NUAK2: variants seen among roughly 807,000 people sequenced by gnomAD.
NUAK2 encodes the protein NUAK family SNF1-like kinase 2.
Under a neutral mutation model 29.8 loss-of-function variants are expected in NUAK2, and 20 were observed. That is an observed-to-expected ratio of 0.67 (90% CI 0.47 to 0.98). The LOEUF (loss-of-function observed/expected upper bound fraction) is 0.98. Ranked by LOEUF, NUAK2 falls within the 50% of genes least tolerant of loss-of-function variation. The pLI is 0.00. For missense variants in NUAK2, 719 were observed against 834.5 expected (o/e 0.86, Z 1.71); for synonymous variants, 331 against 342.6 (o/e 0.97, Z 0.37).
In NUAK2 at chr1:205,308,282, A is replaced by T. The variant is rs1662208916; in HGVS notation, c.505-52T>A. 1 of 1,361,334 alleles carries T rather than the reference A, an allele frequency of 7.3e-7. No individual in the cohort carries two copies. The highest frequency in any genetic ancestry group is 1.5e-5 in the African/African-American group (1 of 68,434). 84.3% of individuals were successfully genotyped at this position (1,361,334 alleles called of 1,614,324 possible). ...GAAGGTCACCAGGGAAGGGAAGATG[A>T]TGAGGGGCCCAGTCTGGAGACTGAG... On this transcript the variant is annotated intron_variant, in intron 3 of 6. Transcript: ENST00000367157. This position sits in a 1 kb window ranked among gnomAD's most constrained non-coding sequence, Gnocchi z 4.1.
chr1:205,306,228 G>A lies in NUAK2; in HGVS notation c.650C>T (p.Ser217Leu), dbSNP rs370192004. Reference protein sequence around the residue: ...QTFCGSPLYASPEIVNGKPYT... With the variant: ...QTFCGSPLYALPEIVNGKPYT... ...GGGCTTCCCATTGACAATCTCTGGC[G>A]AGGCATAGAGGGGGCTCCCACAGAA... Residue 217 changes from serine (S) to leucine (L), a missense_variant, in exon 5 of 7, where the codon TCG becomes TTG. Physicochemically the swap from Ser to Leu is moderately radical, Grantham distance 145 (BLOSUM62 -2). Transcript: ENST00000367157. The A allele has an allele frequency of 3.1e-6, 5 of 1,613,768 alleles. No homozygotes were observed. Among genetic ancestry groups the A allele is most frequent in the East Asian group, 2.2e-5 (1 of 44,886 alleles).
intron 1 of NUAK2, among the ~76,000 whole-genome samples, chr1:205,312,511 A>T (rs1261522969): frequency 1.3e-5 from 2 of 152,244 alleles, no homozygotes; most frequent in Admixed American, 1.3e-4. Context: ...CAAGAAAAGT[A>T]GGGATAGGTC....
At chr1:205,315,030 C>G (rs1363725286) in intron 1 of NUAK2, among the ~76,000 whole-genome samples, 1 of 152,196 alleles carries the variant, frequency 6.6e-6, no homozygotes, top group Non-Finnish European at 1.5e-5. Flanking sequence ...AATTGTTAAT[C>G]CTCATTGAAC....
At position 205,316,283 on chromosome 1, in the gene NUAK2, G is replaced by A. The variant is rs1662328032; in HGVS notation, c.232-4458C>T. ...TATTTATTCTCCAGTCATCTGCTGA[G>A]TGCCTACCATGTGCCTGGCTGGCAC... On this transcript the variant is annotated intron_variant, in intron 1 of 6. Coordinates refer to ENST00000367157, the MANE Select transcript of NUAK2 (RefSeq NM_030952.3). 3.9e-5 allele frequency among the ~76,000 whole-genome samples: 6 copies of A among 152,240 alleles called. 1 individual carries two copies. The South Asian group carries it at 1.2e-3, about 32-fold the overall frequency.
At position 205,309,102 on chromosome 1, in the gene NUAK2, C is replaced by A. The variant is rs1662221960; in HGVS notation, c.353-370G>T. Among the ~76,000 whole-genome samples, 4 of 151,752 alleles carry A rather than the reference C, an allele frequency of 2.6e-5. No homozygotes were observed. The South Asian group carries it at 6.3e-4, about 24-fold the overall frequency. Reference sequence around the variant, plus strand: ...TACTTTTTCACCTTGTGGCCTTGGGCAAATCTCTTCTAGATACATGAGTAA... The same window carrying A: ...TACTTTTTCACCTTGTGGCCTTGGGAAAATCTCTTCTAGATACATGAGTAA... On this transcript the variant is annotated intron_variant, in intron 2 of 6. Transcript: ENST00000367157.
Position 205,311,626 on chromosome 1 carries a change from G to A in NUAK2, c.352+79C>T, listed in dbSNP as rs199632801. On this transcript the variant is annotated intron_variant, in intron 2 of 6. Transcript: ENST00000367157. ...TTTACTTCTTTATGTTGTTTCTTCT[G>A]ACACATGTACATACGCATGTGAACA... The A allele has an allele frequency of 3.6e-4, 560 of 1,541,148 alleles. 1 individual carries two copies. The highest frequency in any genetic ancestry group is 1.5e-3 in the Middle Eastern group (9 of 5,862).
intron 1 of NUAK2, among the ~76,000 whole-genome samples, chr1:205,314,955 G>A (rs1263148783): frequency 3.9e-5 from 6 of 152,076 alleles, no homozygotes; most frequent in Non-Finnish European, 8.8e-5. Context: ...GCATGGGGGC[G>A]AGTGCACAAG....
Position 205,308,496 on chromosome 1 carries a change from G to T in NUAK2, c.504+85C>A. The T allele has an allele frequency of 6.9e-7, 1 of 1,442,784 alleles. No individual in the cohort carries two copies. Among genetic ancestry groups the T allele is most frequent in the Non-Finnish European group, 9.6e-7 (1 of 1,038,892 alleles). 89.4% of individuals were successfully genotyped at this position (1,442,784 alleles called of 1,614,324 possible). On this transcript the variant is annotated intron_variant, in intron 3 of 6. Coordinates refer to ENST00000367157, the MANE Select transcript of NUAK2 (RefSeq NM_030952.3). The surrounding 1 kb of genome is among the most constrained non-coding windows in gnomAD (Gnocchi z 4.1). ...TCTGTTTCTGTGTGATCCTGGACAA[G>T]TCATGGAACCTCTCTGGTCCAAAAC...
At position 205,308,638 on chromosome 1, in the gene NUAK2, C is replaced by T; in HGVS notation, c.447G>A (p.Glu149=). The change falls in exon 3 of 7, where the codon GAG becomes GAA. Residue 149 remains glutamate (E), a synonymous_variant. Transcript: ENST00000367157. This position sits in a 1 kb window ranked among gnomAD's most constrained non-coding sequence, Gnocchi z 4.1. ...GCCGGAAGAAATGCCTAGCTTCGCG[C>T]TCACTGAGCTGCTGCCGCTCGCTGA... ...DYISERQQLS[E]REARHFFRQI... 1.2e-6 allele frequency: 2 copies of T among 1,614,154 alleles called. No homozygotes were observed. The highest frequency in any genetic ancestry group is 2.2e-5 in the South Asian group (2 of 91,074).
Position 205,308,287 on chromosome 1 carries a change from G to T in NUAK2, c.505-57C>A. On this transcript the variant is annotated intron_variant, in intron 3 of 6. Coordinates refer to ENST00000367157, the MANE Select transcript of NUAK2 (RefSeq NM_030952.3). This position sits in a 1 kb window ranked among gnomAD's most constrained non-coding sequence, Gnocchi z 4.1. ...TCACCAGGGAAGGGAAGATGATGAG[G>T]GGCCCAGTCTGGAGACTGAGGTAAA... 1.5e-6 allele frequency: 2 copies of T among 1,329,392 alleles called. No homozygotes were observed. Among genetic ancestry groups the T allele is most frequent in the South Asian group, 1.3e-5 (1 of 74,950 alleles). 82.3% of individuals were successfully genotyped at this position (1,329,392 alleles called of 1,614,324 possible).
chr1:205,318,060 C>A (rs1662354568), intron 1 of NUAK2, among the ~76,000 whole-genome samples: 1 of 152,218 alleles, frequency 6.6e-6, no homozygotes, highest in Non-Finnish European at 1.5e-5. Flanking sequence ...ATAATTATCA[C>A]CCCTACTTTA....
At position 205,304,324 on chromosome 1, in the gene NUAK2, C is replaced by T. The variant is rs768109551; in HGVS notation, c.1013G>A (p.Arg338His). The change falls in exon 7 of 7, where the codon CGT becomes CAT. Residue 338 changes from arginine (R) to histidine (H), a missense_variant. Arg to His is a conservative substitution (Grantham distance 29). Around this residue, in one of 3 missense-constraint regions of NUAK2, gnomAD observed 430 missense variants for 465.7 expected, o/e 0.92. Coordinates refer to ENST00000367157, the MANE Select transcript of NUAK2 (RefSeq NM_030952.3). The surrounding 1 kb of genome is among the most constrained non-coding windows in gnomAD (Gnocchi z 6.5). ...ATTCTCCAGGAGGGGGCGGGAGGAA[C>T]GCCGGAGCCAGTCAGCCATGGAGGC... is the stretch of plus-strand genomic sequence containing the variant. Reference protein sequence around the residue: ...ARASMADWLRRSSRPLLENGA... With the variant: ...ARASMADWLRHSSRPLLENGA... 16 of 1,609,456 alleles carry T rather than the reference C, an allele frequency of 9.9e-6. No homozygotes were observed. In the East Asian group the frequency reaches 1.6e-4, roughly 16 times the overall value.
chr1:205,308,298 G>T lies in NUAK2; in HGVS notation c.505-68C>A. 1.7e-6 allele frequency: 2 copies of T among 1,205,818 alleles called. No individual in the cohort carries two copies. Among genetic ancestry groups the T allele is most frequent in the Non-Finnish European group, 2.4e-6 (2 of 845,890 alleles). The allele number at this position is 1,205,818 out of a possible 1,614,324, so 74.7% of individuals were successfully genotyped here. On this transcript the variant is annotated intron_variant, in intron 3 of 6. Transcript: ENST00000367157. The surrounding 1 kb of genome is among the most constrained non-coding windows in gnomAD (Gnocchi z 4.1). ...GGGAAGATGATGAGGGGCCCAGTCT[G>T]GAGACTGAGGTAAACACAAAGGGAG...
Position 205,308,816 on chromosome 1 carries a change from AG to A in NUAK2, c.353-85del. 1 of 1,518,174 alleles carries A rather than the reference AG, an allele frequency of 6.6e-7. No homozygotes were observed. Among genetic ancestry groups the A allele is most frequent in the Non-Finnish European group, 9.0e-7 (1 of 1,110,890 alleles). 94.0% of individuals were successfully genotyped at this position (1,518,174 alleles called of 1,614,324 possible). ...GGGTGACTCACTCCTCCCCGACCCC[AG>A]GCCCCAAACCAGACAGGACCCCCCT... On this transcript the variant is annotated intron_variant, in intron 2 of 6. Transcript: ENST00000367157. This position sits in a 1 kb window ranked among gnomAD's most constrained non-coding sequence, Gnocchi z 4.1.
Position 205,308,248 on chromosome 1 carries a change from C to A in NUAK2, c.505-18G>T. 4 of 1,577,916 alleles carry A rather than the reference C, an allele frequency of 2.5e-6. No individual in the cohort carries two copies. Among genetic ancestry groups the A allele is most frequent in the South Asian group, 2.3e-5 (2 of 87,744 alleles). On this transcript the variant is annotated intron_variant, in intron 3 of 6. Transcript: ENST00000367157. The surrounding 1 kb of genome is among the most constrained non-coding windows in gnomAD (Gnocchi z 4.1). The stretch of plus-strand genomic sequence containing the variant: ...ACTCTGTTCTGAAAGAAGGAGAGGG[C>A]AGTCACGGGAAGGTCACCAGGGAAG...
chr1:205,306,431 T>G, intron 4 of NUAK2, 124 bp from the exon 5 acceptor site: 1 of 1,254,852 alleles, frequency 8.0e-7, no homozygotes, highest in Non-Finnish European at 1.1e-6. Flanking sequence ...AGGGTCCCCA[T>G]GACCCTTACC....
rs753204808 is a variant in NUAK2, at chr1:205,303,603, C to G, written c.1734G>C (p.Thr578=). 25 of 1,611,204 alleles carry G rather than the reference C, an allele frequency of 1.6e-5. No homozygotes were observed. In the Middle Eastern group the frequency reaches 1.7e-3, roughly 107 times the overall value. ...CCTCTGAGGGGGGCTCCTCAAGCCC[C>G]GTGAGGTTGTCCACAGACACACAGC... is the stretch of plus-strand genomic sequence containing the variant. ...LRGCVSVDNL[T]GLEEPPSEGP... The change falls in exon 7 of 7, where the codon ACG becomes ACC. Residue 578 remains threonine (T), a synonymous_variant. Coordinates refer to ENST00000367157, the MANE Select transcript of NUAK2 (RefSeq NM_030952.3).
rs200122171 is a variant in NUAK2 at position 205,303,425 on chromosome 1, C to A, written c.*25G>T. 8 of 1,508,432 alleles carry A rather than the reference C, an allele frequency of 5.3e-6. No individual in the cohort carries two copies. Among genetic ancestry groups the A allele is most frequent in the Non-Finnish European group, 7.1e-6 (8 of 1,126,748 alleles). The allele number at this position is 1,508,432 out of a possible 1,614,324, so 93.4% of individuals were successfully genotyped here. On this transcript the variant is annotated 3_prime_UTR_variant, in exon 7 of 7. Coordinates refer to ENST00000367157, the MANE Select transcript of NUAK2 (RefSeq NM_030952.3). ...AACCAGCTGCATCTGAGAGCCTGAC[C>A]GGGCTGGGGCAATGCCTACTCCACT... is the stretch of plus-strand genomic sequence containing the variant.
Position 205,303,682 on chromosome 1 carries a change from T to A in NUAK2, c.1655A>T (p.Glu552Val). ...AGGCAAGTCCAGCTGGTCAAAGGACTCAGAGGACAGGATGCTGTCCTCGCT... is the reference window on the plus strand; with the variant it reads ...AGGCAAGTCCAGCTGGTCAAAGGACACAGAGGACAGGATGCTGTCCTCGCT... ...AVSEDSILSS[E>V]SFDQLDLPER... The change falls in exon 7 of 7, where the codon GAG (glutamate) becomes GTG (valine). Residue 552 changes from glutamate (E) to valine (V), a missense_variant. Coordinates refer to ENST00000367157, the MANE Select transcript of NUAK2 (RefSeq NM_030952.3). 1 of 1,553,518 alleles carries A rather than the reference T, an allele frequency of 6.4e-7. No homozygotes were observed. The highest frequency in any genetic ancestry group is 8.7e-7 in the Non-Finnish European group (1 of 1,151,422).
Sources: allele counts gnomAD v4.1 joint callset (sites outside exome capture counted in the v4.1 genomes callset), GRCh38; gene constraint gnomAD v4.1.1; regional missense constraint gnomAD v4.1.1; non-coding constraint Gnocchi (gnomAD v3.1); transcripts MANE v1.5; gene names NCBI Gene and HGNC (gene_info 2026-07-23, HGNC 2026-07-21).